Variants in RTN4 observed in about 807,000 individuals in gnomAD.
RTN4 encodes reticulon 4, also known as reticulon-4.
In RTN4, 32 loss-of-function variants were observed where a neutral mutation model predicts 90.4. The observed-to-expected ratio is 0.35, with a 90% CI of 0.27 to 0.48. The LOEUF (loss-of-function observed/expected upper bound fraction) is 0.48. Among genes scored for constraint, RTN4 ranks in the 20% least tolerant of loss-of-function variants. The probability of loss-of-function intolerance (pLI) is 0.99; values close to 1 mark genes in which losing one functional copy is unlikely to be tolerated. For synonymous variants in RTN4, 629 were observed against 552.5 expected (o/e 1.14, Z -1.94); for missense variants, 1,706 against 1,430.2 (o/e 1.19, Z -3.11).
intron 2 of RTN4, among the ~76,000 whole-genome samples, chr2:55,065,520 A>T (rs1236006991): frequency 6.6e-6 from 1 of 152,146 alleles, no homozygotes; most frequent in African/African-American, 2.4e-5. Flanking sequence ...TAAAATAAAA[A>T]AAAAATTTTT....
chr2:55,077,292 C>T (rs1429572756), intron 2 of RTN4, among the ~76,000 whole-genome samples: 11 of 152,156 alleles, frequency 7.2e-5, no homozygotes, highest in East Asian at 1.9e-4. Flanking sequence ...GGATTACAGG[C>T]GTGAGCCACC....
At chr2:55,078,687 A>T (rs1668647556) in intron 2 of RTN4, among the ~76,000 whole-genome samples, 1 of 152,342 alleles carries the variant, frequency 6.6e-6, no homozygotes, top group African/African-American at 2.4e-5. Context: ...TTTACTGACA[A>T]GTAGGGACAA....
Position 55,010,134 on chromosome 2 carries a change from C to A in RTN4, c.3013+14952G>T, listed in dbSNP as rs202029099. ...CTGACCGTCCATCTCTTGTCACGAT[C>A]TGCTTTGCAGCTCCAATTATTAATT... On this transcript the variant is annotated intron_variant, in intron 3 of 8. Transcript: ENST00000337526. 1.9e-6 allele frequency: 3 copies of A among 1,613,328 alleles called. No homozygotes were observed. In the African/African-American group the frequency reaches 4.0e-5, roughly 22 times the overall value.
At chr2:55,070,239 C>T (rs1668469339) in intron 2 of RTN4, among the ~76,000 whole-genome samples, 1 of 152,004 alleles carries the variant, frequency 6.6e-6, no homozygotes, top group South Asian at 2.1e-4. Context: ...TCCAGTAATA[C>T]ACCCTTCCCC....
At chr2:55,066,178 TGTGTGTGTGTGTGTTTGTG>T (rs1430658940) in intron 2 of RTN4, among the ~76,000 whole-genome samples, 26 of 114,962 alleles carry the variant, frequency 2.3e-4, no homozygotes, top group Admixed American at 1.8e-3. Context: ...TTTGTGTGTG[TGTGTGTGTGTGTGTTTGTG>T]TGTGTGTGTG....
intron 2 of RTN4, among the ~76,000 whole-genome samples, chr2:55,064,939 A>G (rs1422299008): frequency 1.3e-5 from 2 of 152,206 alleles, no homozygotes; most frequent in Non-Finnish European, 2.9e-5. Flanking sequence ...TAGATTAATA[A>G]TATAAATTAA....
chr2:55,071,164 C>G (rs886915500), intron 2 of RTN4, among the ~76,000 whole-genome samples: 3 of 147,220 alleles, frequency 2.0e-5, no homozygotes, highest in Non-Finnish European at 4.5e-5. Context: ...TTATGCTTAG[C>G]TTCTACAATA....
At chr2:55,041,266 A>G (rs577589756) in intron 1 of RTN4, among the ~76,000 whole-genome samples, 1 of 152,120 alleles carries the variant, frequency 6.6e-6, no homozygotes. Flanking sequence ...ATACATGTTA[A>G]TAAAAACCAC....
At chr2:55,011,532 A>G (rs768821710) in intron 3 of RTN4, among the ~76,000 whole-genome samples, 3 of 152,344 alleles carry the variant, frequency 2.0e-5, no homozygotes, top group Middle Eastern at 6.8e-3. Flanking sequence ...CGAAAATACT[A>G]TAAGATACGT....
intron 2 of RTN4, among the ~76,000 whole-genome samples, chr2:55,064,349 C>CTTTTT (rs70947003): frequency 9.7e-5 from 13 of 133,392 alleles, no homozygotes; most frequent in East Asian, 2.2e-4. Context: ...CACAAACATT[C>CTTTTT]TTTTTTTTTT....
the RTN4 span, among the ~76,000 whole-genome samples, chr2:55,121,257 A>C: frequency 1.3e-5 from 2 of 152,206 alleles, no homozygotes; most frequent in Non-Finnish European, 2.9e-5. Flanking sequence ...GGTAAAAATT[A>C]CCTGCAGTTA....
intron 2 of RTN4, among the ~76,000 whole-genome samples, chr2:55,070,545 CAA>C (rs747838297): frequency 0.041 from 2,781 of 67,266 alleles, 47 homozygotes; most frequent in South Asian, 0.065. Context: ...GACTCTGTCT[CAA>C]AAAAAAAAAA....
At chr2:55,045,145 A>AGG (rs1290082167) in intron 1 of RTN4, among the ~76,000 whole-genome samples, 2 of 152,206 alleles carry the variant, frequency 1.3e-5, no homozygotes, top group African/African-American at 4.8e-5. Flanking sequence ...AAAAACTAGT[A>AGG]ATTTTTAAGC....
intron 3 of RTN4, chr2:55,010,428 G>T: frequency 9.4e-7 from 1 of 1,059,490 alleles, no homozygotes; most frequent in Non-Finnish European, 1.2e-6. Flanking sequence ...CATTTGCAGG[G>T]AGAGGGCAGG....
intron 3 of RTN4, among the ~76,000 whole-genome samples, chr2:55,001,956 T>C (rs142624690): frequency 1.4e-3 from 210 of 152,354 alleles, no homozygotes; most frequent in African/African-American, 4.9e-3. Flanking sequence ...ACGGCTGTGA[T>C]TATAAACTAA....
rs565998187 is a variant in RTN4 at position 54,972,905 on chromosome 2, A to ATAGAT, written c.*246_*250dup. On this transcript the variant is annotated 3_prime_UTR_variant, in exon 9 of 9. Coordinates refer to ENST00000337526, the MANE Select transcript of RTN4 (RefSeq NM_020532.5). ...GTTTTTTATTCCACCAGTGCCTCAG[A>ATAGAT]TAGATAGGAAAAAGATATGATTACG... The ATAGAT allele has an allele frequency of 0.081, 8,846 of 109,314 alleles. 190 individuals carry two copies. Among genetic ancestry groups the ATAGAT allele is most frequent in the Non-Finnish European group, 0.098 (5,745 of 58,494 alleles). 6.8% of individuals were successfully genotyped at this position (109,314 alleles called of 1,614,324 possible).
chr2:55,105,227 G>GTTTTT (rs869164590), intron 1 of RTN4, among the ~76,000 whole-genome samples: 5 of 114,042 alleles, frequency 4.4e-5, no homozygotes, highest in Non-Finnish European at 5.5e-5. Flanking sequence ...TGCTATTGAA[G>GTTTTT]TTTTTTTTTT....
chr2:55,045,524 T>C (rs1443714964), intron 1 of RTN4, among the ~76,000 whole-genome samples: 1 of 152,222 alleles, frequency 6.6e-6, no homozygotes, highest in Non-Finnish European at 1.5e-5. Context: ...TCTTGAATAT[T>C]GTCACCAATT....
the RTN4 span, among the ~76,000 whole-genome samples, chr2:55,128,027 C>T: frequency 6.6e-6 from 1 of 151,932 alleles, no homozygotes; most frequent in African/African-American, 2.4e-5. Context: ...TTCTTCCATG[C>T]CTGGCTAATT....
Sources: gnomAD v4.1 joint callset for allele counts (sites outside exome capture counted in the v4.1 genomes callset) on GRCh38, gnomAD v4.1.1 for gene constraint, MANE v1.5 for transcripts, NCBI Gene and HGNC (gene_info 2026-07-23, HGNC 2026-07-21) for gene names.